The following TRAK1 variants were observed in gnomAD, a reference collection of about 807,000 sequenced individuals.
TRAK1 encodes trafficking kinesin protein 1.
In TRAK1, 33 loss-of-function variants were observed where a neutral mutation model predicts 92.1. The ratio of observed to expected loss-of-function variants is 0.36; its 90% confidence interval spans 0.27 to 0.48. The LOEUF (loss-of-function observed/expected upper bound fraction) is 0.48. Ranked by LOEUF, TRAK1 falls within the 20% of genes least tolerant of loss-of-function variation. TRAK1 has a pLI of 0.99. For missense variants in TRAK1, 1,123 were observed against 1,257.9 expected (o/e 0.89, Z 1.62); for synonymous variants, 521 against 517.3 (o/e 1.01, Z -0.10).
intron 1 of TRAK1, among the ~76,000 whole-genome samples, chr3:42,112,562 GT>G (rs1452344340): frequency 6.6e-6 from 1 of 151,338 alleles, no homozygotes; most frequent in East Asian, 2.0e-4. Flanking sequence ...TGGCAAAACT[GT>G]GTCTCTACTA....
intron 1 of TRAK1, among the ~76,000 whole-genome samples, chr3:42,111,213 C>G (rs1708350448): frequency 6.6e-6 from 1 of 152,150 alleles, no homozygotes; most frequent in Non-Finnish European, 1.5e-5. Flanking sequence ...ACCTAACTGA[C>G]TCCATCTTGC....
At chr3:42,130,808 C>T (rs914681596) in intron 2 of TRAK1, among the ~76,000 whole-genome samples, 4 of 152,082 alleles carry the variant, frequency 2.6e-5, no homozygotes, top group Non-Finnish European at 5.9e-5. Flanking sequence ...CAACAAAGAC[C>T]TTTAATCTAG....
intron 10 of TRAK1, among the ~76,000 whole-genome samples, chr3:42,197,423 A>AT (rs1706899431): frequency 6.6e-6 from 1 of 151,412 alleles, no homozygotes; most frequent in Non-Finnish European, 1.5e-5. Flanking sequence ...TACTGTACCG[A>AT]TTTTTAAATT....
At chr3:42,163,158 G>A (rs1042972193) in intron 2 of TRAK1, among the ~76,000 whole-genome samples, 15 of 152,206 alleles carry the variant, frequency 9.9e-5, no homozygotes, top group Non-Finnish European at 2.1e-4. Context: ...TGAGTTAAGT[G>A]GTCCCAGCCT....
chr3:42,149,002 T>C (rs1699642568), intron 2 of TRAK1, among the ~76,000 whole-genome samples: 1 of 152,208 alleles, frequency 6.6e-6, no homozygotes, highest in South Asian at 2.1e-4. Context: ...CTCCCTTGCC[T>C]GTACCCTTTC....
intron 1 of TRAK1, among the ~76,000 whole-genome samples, chr3:42,040,314 A>G (rs1036318650): frequency 5.3e-5 from 8 of 152,354 alleles, no homozygotes; most frequent in African/African-American, 1.9e-4. Context: ...GATTAATTAT[A>G]TAACTGCTCC....
intron 1 of TRAK1, among the ~76,000 whole-genome samples, chr3:42,095,161 G>C (rs1408689604): frequency 6.6e-6 from 1 of 152,162 alleles, no homozygotes; most frequent in African/African-American, 2.4e-5. Flanking sequence ...AGATCCTAAT[G>C]GTGCTGCCAT....
intron 14 of TRAK1, chr3:42,217,746 G>T (rs1426907581): frequency 1.0e-6 from 1 of 985,072 alleles, no homozygotes; most frequent in African/African-American, 1.8e-5. Flanking sequence ...AACCCCTCAT[G>T]CCTGTTATTT....
chr3:42,180,677 C>CAAAAAAAA (rs33959095), intron 3 of TRAK1, among the ~76,000 whole-genome samples: 4 of 87,018 alleles, frequency 4.6e-5, no homozygotes, highest in Non-Finnish European at 6.7e-5. Flanking sequence ...AGACCTGTCT[C>CAAAAAAAA]AAAAAAAAAA....
At chr3:42,032,196 A>G (rs1429769283) in intron 1 of TRAK1, among the ~76,000 whole-genome samples, 1 of 152,230 alleles carries the variant, frequency 6.6e-6, no homozygotes, top group Non-Finnish European at 1.5e-5. Context: ...TGGAATCTGA[A>G]GTATTTGAGG....
intron 1 of TRAK1, among the ~76,000 whole-genome samples, chr3:42,065,555 T>C (rs1576223630): frequency 6.6e-6 from 1 of 152,058 alleles, no homozygotes; most frequent in Non-Finnish European, 1.5e-5. Flanking sequence ...CAGTTTGATA[T>C]TAATCAGACA....
At chr3:42,088,583 G>C (rs541508286), upstream of TRAK1, among the ~76,000 whole-genome samples, 2 of 152,312 alleles carry the variant, frequency 1.3e-5, no homozygotes, top group East Asian at 3.9e-4. Flanking sequence ...CAGTGTCTCT[G>C]CTCTTCTGTT....
chr3:42,043,583 C>G (rs1333207682), intron 1 of TRAK1, among the ~76,000 whole-genome samples: 1 of 151,638 alleles, frequency 6.6e-6, no homozygotes, highest in East Asian at 1.9e-4. Flanking sequence ...TTTTCCAGCT[C>G]CAGACCCTGT....
chr3:42,205,929 T>A (rs995093482), intron 13 of TRAK1, among the ~76,000 whole-genome samples: 7 of 152,238 alleles, frequency 4.6e-5, no homozygotes, highest in Non-Finnish European at 1.0e-4. Context: ...AAGTTTCCTC[T>A]CTTTCCTTGC....
intron 1 of TRAK1, among the ~76,000 whole-genome samples, chr3:42,059,965 G>C (rs1414116774): frequency 6.6e-6 from 1 of 152,200 alleles, no homozygotes; most frequent in East Asian, 1.9e-4. Context: ...CAGGTACATA[G>C]CAATTCTGAA....
chr3:42,027,683 T>C (rs750867633), intron 1 of TRAK1, among the ~76,000 whole-genome samples: 1 of 152,206 alleles, frequency 6.6e-6, no homozygotes, highest in Non-Finnish European at 1.5e-5. Flanking sequence ...GAGGCCAGTA[T>C]GAGAATAGAG....
intron 1 of TRAK1, among the ~76,000 whole-genome samples, chr3:42,073,531 C>T (rs1359133718): frequency 2.0e-5 from 3 of 152,182 alleles, no homozygotes; most frequent in African/African-American, 4.8e-5. Context: ...GATGATTCTA[C>T]GAAGCTCTAG....
At chr3:42,075,340 CAAAAAAAAAAAAA>C (rs60881113) in intron 1 of TRAK1, among the ~76,000 whole-genome samples, 3 of 71,104 alleles carry the variant, frequency 4.2e-5, no homozygotes, top group African/African-American at 1.8e-4. Context: ...GACTCAGTCT[CAAAAAAAAAAAAA>C]AAAAAAAAAA....
At chr3:42,152,530 A>G (rs1559840149) in intron 2 of TRAK1, among the ~76,000 whole-genome samples, 1 of 152,226 alleles carries the variant, frequency 6.6e-6, no homozygotes, top group Non-Finnish European at 1.5e-5. Flanking sequence ...ACATCAGACT[A>G]GGAGAAGTCC....
Sources: gnomAD v4.1 joint callset for allele counts (sites outside exome capture counted in the v4.1 genomes callset) on GRCh38, gnomAD v4.1.1 for gene constraint, MANE v1.5 for transcripts, NCBI Gene and HGNC (gene_info 2026-07-23, HGNC 2026-07-21) for gene names.